The following LOC128462377 variants were observed in gnomAD, a reference collection of about 807,000 sequenced individuals.
the LOC128462377 span, among the ~76,000 whole-genome samples, chr16:89,377,279 G>A: frequency 6.6e-6 from 1 of 152,158 alleles, no homozygotes; most frequent in Non-Finnish European, 1.5e-5. Flanking sequence ...GAGAGAGAGA[G>A]AGAGAGCATC....
At chr16:89,373,691 A>T in the LOC128462377 span, among the ~76,000 whole-genome samples, 2 of 152,238 alleles carry the variant, frequency 1.3e-5, no homozygotes, top group South Asian at 4.1e-4. Flanking sequence ...TGCATAAGGA[A>T]GACCTGCAGA....
the LOC128462377 span, among the ~76,000 whole-genome samples, chr16:89,343,181 G>A: frequency 6.6e-6 from 1 of 151,988 alleles, no homozygotes; most frequent in East Asian, 1.9e-4. Context: ...AGTGGAGACG[G>A]GGTTTCACCA....
chr16:89,340,356 C>A, the LOC128462377 span, among the ~76,000 whole-genome samples: 1 of 152,246 alleles, frequency 6.6e-6, no homozygotes, highest in East Asian at 1.9e-4. Flanking sequence ...CGGCTCACTG[C>A]AACCTCCACC....
chr16:89,323,312 C>T, the LOC128462377 span: 1 of 1,288,976 alleles, frequency 7.8e-7, no homozygotes, highest in Admixed American at 2.3e-5. Context: ...CCCTATGACC[C>T]ACAGCACTGT....
At chr16:89,324,379 G>A in the LOC128462377 span, 1 of 713,004 alleles carries the variant, frequency 1.4e-6, no homozygotes, top group Non-Finnish European at 2.2e-6. Context: ...GCGGCACGTG[G>A]GCGCAAAGTT....
At chr16:89,377,967 A>G in the LOC128462377 span, among the ~76,000 whole-genome samples, 14 of 152,154 alleles carry the variant, frequency 9.2e-5, no homozygotes, top group African/African-American at 3.1e-4. Context: ...TGAGAAGTAA[A>G]CATATTTTCT....
At chr16:89,374,950 T>C in the LOC128462377 span, among the ~76,000 whole-genome samples, 1 of 152,156 alleles carries the variant, frequency 6.6e-6, no homozygotes, top group Non-Finnish European at 1.5e-5. Flanking sequence ...AAAAAGTATG[T>C]CATGAATGTA....
At chr16:89,382,062 A>T in the LOC128462377 span, among the ~76,000 whole-genome samples, 344 of 152,306 alleles carry the variant, frequency 2.3e-3, 2 homozygotes, top group Non-Finnish European at 3.8e-3. Flanking sequence ...GATGGGAAGG[A>T]GCCAGTGAAT....
At chr16:89,369,972 G>A in the LOC128462377 span, among the ~76,000 whole-genome samples, 1 of 152,296 alleles carries the variant, frequency 6.6e-6, no homozygotes, top group South Asian at 2.1e-4. Flanking sequence ...CCAGCTGCAG[G>A]ATGGAAGCTC....
chr16:89,317,185 G>A, the LOC128462377 span: 1 of 839,672 alleles, frequency 1.2e-6, no homozygotes. Context: ...GCAGGCAGCT[G>A]CTCTGATCAG....
chr16:89,351,009 C>G, the LOC128462377 span, among the ~76,000 whole-genome samples: 2 of 152,186 alleles, frequency 1.3e-5, no homozygotes, highest in African/African-American at 4.8e-5. Context: ...CTGTGATGCT[C>G]AGAGGACAAG....
At chr16:89,372,047 C>G in the LOC128462377 span, among the ~76,000 whole-genome samples, 1,274 of 152,338 alleles carry the variant, frequency 8.4e-3, 15 homozygotes, top group African/African-American at 0.029. Context: ...AGCACTCACA[C>G]TGAAACCAGT....
At chr16:89,353,422 G>C in the LOC128462377 span, among the ~76,000 whole-genome samples, 118 of 152,264 alleles carry the variant, frequency 7.7e-4, no homozygotes, top group African/African-American at 2.7e-3. Flanking sequence ...CAAAAGTAGA[G>C]CTGGAAATAC....
the LOC128462377 span, among the ~76,000 whole-genome samples, chr16:89,339,411 C>T: frequency 1.1e-4 from 17 of 152,152 alleles, no homozygotes; most frequent in Admixed American, 2.0e-4. Flanking sequence ...GAAAGCTGGT[C>T]GGTAGCATCA....
At chr16:89,380,720 AGAG>A in the LOC128462377 span, among the ~76,000 whole-genome samples, 1 of 152,246 alleles carries the variant, frequency 6.6e-6, no homozygotes. Flanking sequence ...TTTCCAGGGA[AGAG>A]AAGTGAGCAA....
the LOC128462377 span, among the ~76,000 whole-genome samples, chr16:89,369,115 C>G: frequency 1.3e-5 from 2 of 152,244 alleles, no homozygotes; most frequent in East Asian, 3.9e-4. Flanking sequence ...TCTGGCCTGA[C>G]AATCTACCCT....
At chr16:89,318,913 C>A in the LOC128462377 span, among the ~76,000 whole-genome samples, 5 of 152,308 alleles carry the variant, frequency 3.3e-5, no homozygotes, top group South Asian at 1.0e-3. Flanking sequence ...TCTCTCTCTA[C>A]CTGAACCAAT....
chr16:89,339,454 G>A, the LOC128462377 span, among the ~76,000 whole-genome samples: 5 of 151,798 alleles, frequency 3.3e-5, no homozygotes, highest in African/African-American at 1.2e-4. Context: ...CATGGTCCGA[G>A]GAGCCCATCC....
At chr16:89,401,057 T>C in the LOC128462377 span, among the ~76,000 whole-genome samples, 1 of 152,134 alleles carries the variant, frequency 6.6e-6, no homozygotes, top group African/African-American at 2.4e-5. Flanking sequence ...GGCCCTCAAG[T>C]TGTCTCAGTA....
Sources: gnomAD v4.1 joint callset for allele counts (sites outside exome capture counted in the v4.1 genomes callset) on GRCh38, gnomAD v4.1.1 for gene constraint, MANE v1.5 for transcripts.